DUSP16: variants seen among roughly 807,000 people sequenced by gnomAD.
DUSP16 encodes the protein dual specificity protein phosphatase 16.
Under a neutral mutation model 58.3 loss-of-function variants are expected in DUSP16, and 21 were observed. The ratio of observed to expected loss-of-function variants is 0.36; its 90% CI spans 0.26 to 0.52. The LOEUF is 0.52. DUSP16 is among the 20% of genes least tolerant of loss of function. DUSP16 has a pLI of 0.94. For synonymous variants in DUSP16, 320 were observed against 323.8 expected (o/e 0.99, Z 0.12); for missense variants, 726 against 819.0 (o/e 0.89, Z 1.39).
chr12:12,547,597 C>A (rs112213480), intron 1 of DUSP16, among the ~76,000 whole-genome samples: 8,002 of 137,856 alleles, frequency 0.058, 315 homozygotes, highest in Non-Finnish European at 0.09. Context: ...TAAGTACAAG[C>A]TCTACTACTC....
intron 1 of DUSP16, among the ~76,000 whole-genome samples, chr12:12,523,851 T>A (rs537123549): frequency 6.6e-6 from 1 of 152,206 alleles, no homozygotes; most frequent in Non-Finnish European, 1.5e-5. Flanking sequence ...GTTCCCATAA[T>A]GGAACTGGAC....
At position 12,477,759 on chromosome 12, in the gene DUSP16, C is replaced by A. The variant is rs772280915; in HGVS notation, c.1072G>T (p.Ala358Ser). The A allele has an allele frequency of 1.6e-5, 25 of 1,612,478 alleles. No homozygotes were observed. Among genetic ancestry groups the A allele is most frequent in the Non-Finnish European group, 2.1e-5 (25 of 1,179,650 alleles). ...EAAGQRPVHP[A>S]SVPSVPSVQP... is the part of the protein sequence containing the mutation. The stretch of plus-strand genomic sequence containing the variant: ...ACGCTGGGCACGCTGGGCACGCTGG[C>A]GGGATGCACGGGCCTTTGTCCTGCT... Residue 358 changes from alanine (A) to serine (S), a missense_variant, in exon 7 of 7, where the codon GCC becomes TCC. By Grantham distance (99) the Ala-to-Ser change is moderately conservative (BLOSUM62 1). Coordinates refer to ENST00000298573, the MANE Select transcript of DUSP16 (RefSeq NM_030640.3). The surrounding 1 kb of genome is among the most constrained non-coding windows in gnomAD (Gnocchi z 4.1).
intron 1 of DUSP16, among the ~76,000 whole-genome samples, chr12:12,545,387 C>T (rs1281867717): frequency 1.3e-5 from 2 of 151,928 alleles, no homozygotes; most frequent in Non-Finnish European, 2.9e-5. Flanking sequence ...ATGCCTCAGC[C>T]TCCTGAGTAG....
rs1391029649 is a variant in DUSP16 at position 12,475,421 on chromosome 12, T to A, written c.*1412A>T. Reference sequence around the variant, plus strand: ...GTAGGTTGAGGACTGAGGACGCCCCTTTGCTCTCGCTCCATTTTGATTTGC... The same window carrying A: ...GTAGGTTGAGGACTGAGGACGCCCCATTGCTCTCGCTCCATTTTGATTTGC... On this transcript the variant is annotated 3_prime_UTR_variant, in exon 7 of 7. Transcript: ENST00000298573. 1 of 152,246 alleles carries A rather than the reference T, an allele frequency of 6.6e-6. No individual in the cohort carries two copies. Among genetic ancestry groups the A allele is most frequent in the East Asian group, 1.9e-4 (1 of 5,204 alleles). The allele number at this position is 152,246 out of a possible 1,614,324, so 9.4% of individuals were successfully genotyped here. A position where few individuals can be genotyped will look rare whatever the true frequency, so the allele number is the denominator to read the frequency against.
At chr12:12,560,939 G>GT (rs1944890367) in intron 1 of DUSP16, 1 of 83,036 alleles carries the variant, frequency 1.2e-5, no homozygotes, top group Admixed American at 1.1e-4. Flanking sequence ...TGCATGGATG[G>GT]TAAATTTCAC....
Position 12,562,825 on chromosome 12 carries a change from G to T in DUSP16, c.-1074C>A, listed in dbSNP as rs1393196777. On this transcript the variant is annotated 5_prime_UTR_variant, in exon 1 of 7. Coordinates refer to ENST00000298573, the MANE Select transcript of DUSP16 (RefSeq NM_030640.3). The stretch of plus-strand genomic sequence containing the variant: ...GCGCCTCGTTCCGGCCGCTCGGGGA[G>T]GGGTCAGGTCATGTTCCCTTCCAGA... Among the ~76,000 whole-genome samples the T allele has an allele frequency of 6.6e-6, 1 of 151,760 alleles. No individual in the cohort carries two copies. The highest frequency in any genetic ancestry group is 1.5e-5 in the Non-Finnish European group (1 of 67,902).
chr12:12,475,353 ACCT>A lies in DUSP16; in HGVS notation c.*1477_*1479del, dbSNP rs1320117095. 6 of 151,796 alleles carry A rather than the reference ACCT, an allele frequency of 4.0e-5. No homozygotes were observed. The highest frequency in any genetic ancestry group is 4.2e-4 in the South Asian group (2 of 4,802). The allele number at this position is 151,796 out of a possible 1,614,324, so 9.4% of individuals were successfully genotyped here. A position where few individuals can be genotyped will look rare whatever the true frequency, so the allele number is the denominator to read the frequency against. On this transcript the variant is annotated 3_prime_UTR_variant, in exon 7 of 7. Transcript: ENST00000298573. ...ATCTGCACTATCACTTGTTCCAGTG[ACCT>A]CCTATGTTCAGCTGCCAGGACCGAT...
In DUSP16 at chr12:12,519,905, C is replaced by T. The variant is rs1349370505; in HGVS notation, c.324G>A (p.Leu108=). The T allele has an allele frequency of 6.2e-7, 1 of 1,614,050 alleles. No homozygotes were observed. Among genetic ancestry groups the T allele is most frequent in the Non-Finnish European group, 8.5e-7 (1 of 1,179,960 alleles). Residue 108 remains leucine, a synonymous_variant, in exon 3 of 7, where the codon CTG becomes CTA. Coordinates refer to ENST00000298573, the MANE Select transcript of DUSP16 (RefSeq NM_030640.3). ...AGTTGAAGCTCTTCTCCAGTTTACC[C>T]AGAAGTACAGTGAGAAAACAGTCTG... ...LSSDCFLTVL[L]GKLEKSFNSV... is the part of the protein sequence containing the mutation.
At position 12,521,472 on chromosome 12, in the gene DUSP16, A is replaced by C. The variant is rs933789035; in HGVS notation, c.-365-9T>G. ...TACACTGGACTGAAAGCCTACGCGGAGAGAGAAAGACAGAAAACAAAACGT... is the reference window on the plus strand; with the variant it reads ...TACACTGGACTGAAAGCCTACGCGGCGAGAGAAAGACAGAAAACAAAACGT... On this transcript the variant is annotated splice_polypyrimidine_tract_variant and intron_variant, in intron 1 of 6. Transcript: ENST00000298573. 1 of 1,054,246 alleles carries C rather than the reference A, an allele frequency of 9.5e-7. No homozygotes were observed. Among genetic ancestry groups the C allele is most frequent in the Non-Finnish European group, 1.1e-6 (1 of 870,800 alleles). The allele number at this position is 1,054,246 out of a possible 1,614,324, so 65.3% of individuals were successfully genotyped here. A position where few individuals can be genotyped will look rare whatever the true frequency, so the allele number is the denominator to read the frequency against.
chr12:12,480,324 T>A lies in DUSP16; in HGVS notation c.714A>T (p.Gly238=). The change falls in exon 6 of 7, where the codon GGA becomes GGT. Residue 238 remains glycine, a synonymous_variant. Coordinates refer to ENST00000298573, the MANE Select transcript of DUSP16 (RefSeq NM_030640.3). ...DFIEKAKASN[G]CVLVHCLAGI... ...CAGCTAAACAGTGCACTAGAACACATCCATTGGAGGCTTTTGCTTTCTCTG... is the reference window on the plus strand; with the variant it reads ...CAGCTAAACAGTGCACTAGAACACAACCATTGGAGGCTTTTGCTTTCTCTG... 3 of 1,614,014 alleles carry A rather than the reference T, an allele frequency of 1.9e-6. No homozygotes were observed. The highest frequency in any genetic ancestry group is 2.5e-6 in the Non-Finnish European group (3 of 1,179,968).
At chr12:12,558,304 TTC>T (rs1218365973) in intron 1 of DUSP16, among the ~76,000 whole-genome samples, 1 of 152,224 alleles carries the variant, frequency 6.6e-6, no homozygotes, top group Non-Finnish European at 1.5e-5. Context: ...CTCTTTTTAT[TTC>T]TGACAATTTT....
intron 1 of DUSP16, among the ~76,000 whole-genome samples, chr12:12,544,430 A>G (rs186944944): frequency 5.8e-4 from 88 of 152,278 alleles, no homozygotes; most frequent in Non-Finnish European, 1.0e-3. Context: ...ATTCTTGTAC[A>G]TGTCTTTTGG....
chr12:12,550,434 T>C (rs1051231617), intron 1 of DUSP16, among the ~76,000 whole-genome samples: 5 of 152,228 alleles, frequency 3.3e-5, no homozygotes, highest in Admixed American at 2.0e-4. Context: ...GTTATCTGTC[T>C]TTTTCACTTT....
chr12:12,539,837 G>A (rs1944525043), intron 1 of DUSP16, among the ~76,000 whole-genome samples: 1 of 151,492 alleles, frequency 6.6e-6, no homozygotes, highest in Admixed American at 6.6e-5. Context: ...GACCATTTGA[G>A]GTCAGGAGTT....
intron 1 of DUSP16, among the ~76,000 whole-genome samples, chr12:12,541,108 A>G (rs1283460960): frequency 6.6e-6 from 1 of 151,108 alleles, no homozygotes; most frequent in Non-Finnish European, 1.5e-5. Context: ...ACATGTGCAC[A>G]CCATCACGCC....
rs758166422 is a variant in DUSP16, at chr12:12,477,169, G to T, written c.1662C>A (p.Thr554=). ...LAPQTSTPSL[T]SSWYFATESS... ...ACTCTGTGGCAAAATACCAGCTGCT[G>T]GTCAGGGAAGGGGTAGAGGTCTGGG... Residue 554 remains threonine (T), a synonymous_variant, in exon 7 of 7, where the codon ACC becomes ACA. Coordinates refer to ENST00000298573, the MANE Select transcript of DUSP16 (RefSeq NM_030640.3). The surrounding 1 kb of genome is among the most constrained non-coding windows in gnomAD (Gnocchi z 4.1). 1.2e-6 allele frequency: 2 copies of T among 1,614,114 alleles called. No individual in the cohort carries two copies. The highest frequency in any genetic ancestry group is 1.7e-6 in the Non-Finnish European group (2 of 1,180,054).
intron 1 of DUSP16, among the ~76,000 whole-genome samples, chr12:12,528,041 A>C (rs1274975262): frequency 6.6e-6 from 1 of 152,220 alleles, no homozygotes. Context: ...CAGGGCAAGG[A>C]GCACTCCCCT....
chr12:12,560,454 A>G (rs1283463189), intron 1 of DUSP16, among the ~76,000 whole-genome samples: 1 of 152,232 alleles, frequency 6.6e-6, no homozygotes, highest in Admixed American at 6.5e-5. Context: ...ATATTTTTAC[A>G]TAAGACTGTA....
At chr12:12,537,957 C>T (rs1228694400) in intron 1 of DUSP16, among the ~76,000 whole-genome samples, 1 of 152,080 alleles carries the variant, frequency 6.6e-6, no homozygotes, top group Non-Finnish European at 1.5e-5. Flanking sequence ...CAACTAGATT[C>T]AATTTCCTAT....
Sources: gnomAD v4.1 joint callset for allele counts (sites outside exome capture counted in the v4.1 genomes callset) on GRCh38, gnomAD v4.1.1 for gene constraint, Gnocchi (gnomAD v3.1) non-coding constraint, MANE v1.5 for transcripts, NCBI Gene and HGNC (gene_info 2026-07-23, HGNC 2026-07-21) for gene names.